The following NDUFS2 variants were observed in gnomAD, a reference collection of about 807,000 sequenced individuals.
NDUFS2 encodes the protein NADH:ubiquinone oxidoreductase core subunit S2.
In NDUFS2, 38 loss-of-function variants were observed where a neutral mutation model predicts 69.6. The observed-to-expected ratio is 0.55, with a 90% CI of 0.42 to 0.72. The LOEUF (loss-of-function observed/expected upper bound fraction) is 0.72. Among genes scored for constraint, NDUFS2 ranks in the 30% least tolerant of loss-of-function variants. NDUFS2 has a pLI of 0.00. For missense variants in NDUFS2, 468 were observed against 595.0 expected, an observed-to-expected ratio of 0.79 and a Z score of 2.22; for synonymous variants, 194 against 211.2, an observed-to-expected ratio of 0.92 and a Z score of 0.70.
chr1:161,206,680 G>T (rs759564329), intron 3 of NDUFS2, 83 bp downstream of exon 3: 324 of 1,428,676 alleles, frequency 2.3e-4, no homozygotes, highest in Non-Finnish European at 3.0e-4. Context: ...CCCTTAAAAC[G>T]TGAGGGGAGG....
At chr1:161,198,107 C>T (rs748516709), upstream of NDUFS2, 6 of 1,613,806 alleles carry the variant, frequency 3.7e-6, no homozygotes, top group South Asian at 6.6e-5. This position sits in a 1 kb window ranked among gnomAD's most constrained non-coding sequence, Gnocchi z 4.7. Flanking sequence ...CCCAGGTCCC[C>T]CAGCAGAGTT....
chr1:161,198,316 G>C, upstream of NDUFS2: 1 of 1,613,328 alleles, frequency 6.2e-7, no homozygotes, highest in South Asian at 1.1e-5. The surrounding 1 kb of genome is among the most constrained non-coding windows in gnomAD (Gnocchi z 4.7). Context: ...TCAGCCCCTC[G>C]ACCTGCACAC....
Position 161,210,166 on chromosome 1 carries a change from T to C in NDUFS2, c.758T>C (p.Leu253Pro). Residue 253 changes from leucine (L) to proline (P), a missense_variant, in exon 7 of 14, where the codon CTT becomes CCT. By Grantham distance (98) the Leu-to-Pro change is moderately conservative (BLOSUM62 -3). Transcript: ENST00000676972. ...DIYQFSKNFS[L>P]RLDELEELLT... ...TATCAGTTTTCTAAGAACTTCTCTC[T>C]TCGGCTTGATGAGTTGGAGGAGGTA... 1.9e-6 allele frequency: 3 copies of C among 1,614,164 alleles called. No individual in the cohort carries two copies. The highest frequency in any genetic ancestry group is 2.5e-6 in the Non-Finnish European group (3 of 1,180,036).
At chr1:161,202,362 C>T, upstream of NDUFS2, 1 of 1,601,552 alleles carries the variant, frequency 6.2e-7, no homozygotes, top group Admixed American at 1.7e-5. Flanking sequence ...GGTTCTCCTT[C>T]CCGCAGTCTG....
intron 2 of NDUFS2, among the ~76,000 whole-genome samples, chr1:161,205,161 T>C (rs1418240172): frequency 6.6e-6 from 1 of 152,166 alleles, no homozygotes; most frequent in Non-Finnish European, 1.5e-5. Context: ...GTTTCAAATC[T>C]CCACTCTCAA....
intron 9 of NDUFS2, 39 bp downstream of exon 9, chr1:161,210,749 G>T (rs1173047925): frequency 6.2e-7 from 1 of 1,613,538 alleles, no homozygotes; most frequent in South Asian, 1.1e-5. Flanking sequence ...ATTCCAGCTA[G>T]TTTCCCCTGC....
upstream of NDUFS2, among the ~76,000 whole-genome samples, chr1:161,197,807 G>GGA (rs928959324): frequency 1.3e-5 from 2 of 152,070 alleles, no homozygotes; most frequent in Non-Finnish European, 2.9e-5. Flanking sequence ...GGTCTGGCTA[G>GGA]GAGAAGGGTG....
chr1:161,204,490 C>T (rs1383723115), intron 2 of NDUFS2, among the ~76,000 whole-genome samples: 1 of 152,142 alleles, frequency 6.6e-6, no homozygotes, highest in African/African-American at 2.4e-5. Context: ...TTTTAGGAGT[C>T]TATTCACTGA....
chr1:161,202,896 G>A (rs900194185), intron 1 of NDUFS2, among the ~76,000 whole-genome samples: 7 of 152,182 alleles, frequency 4.6e-5, no homozygotes, highest in Non-Finnish European at 8.8e-5. Flanking sequence ...TGCATGCCCA[G>A]GGGTGATGGG....
chr1:161,212,623 A>G, intron 10 of NDUFS2, 143 bp downstream of exon 10: 1 of 1,096,516 alleles, frequency 9.1e-7, no homozygotes, highest in Non-Finnish European at 1.3e-6. Context: ...ACTGGAGTGC[A>G]ATCTCGGCTA....
intron 1 of NDUFS2, 62 bp downstream of exon 1, chr1:161,202,542 C>A: frequency 6.9e-7 from 1 of 1,448,368 alleles, no homozygotes; most frequent in Non-Finnish European, 9.5e-7. Context: ...AGGTTGGGGA[C>A]GCTTTACTCC....
At chr1:161,198,890 G>A, upstream of NDUFS2, 1 of 428,998 alleles carries the variant, frequency 2.3e-6, no homozygotes, top group Non-Finnish European at 4.1e-6. This position sits in a 1 kb window ranked among gnomAD's most constrained non-coding sequence, Gnocchi z 4.7. Context: ...CTCCCTGCCT[G>A]TGTCTTCTGC....
intron 11 of NDUFS2, 28 bp from the exon 12 acceptor site, chr1:161,213,621 C>G (rs1442007067): frequency 6.2e-7 from 1 of 1,610,374 alleles, no homozygotes; most frequent in Non-Finnish European, 8.5e-7. Context: ...CATGTTAATA[C>G]AGACACCCAA....
intron 2 of NDUFS2, 30 bp downstream of exon 2, chr1:161,203,573 A>C: frequency 6.5e-7 from 1 of 1,545,984 alleles, no homozygotes; most frequent in Non-Finnish European, 8.9e-7. Context: ...GTCCCAACCC[A>C]CACCCATCCC....
intron 9 of NDUFS2, among the ~76,000 whole-genome samples, chr1:161,211,396 C>T (rs1346954973): frequency 6.6e-6 from 1 of 152,146 alleles, no homozygotes; most frequent in Non-Finnish European, 1.5e-5. Flanking sequence ...TGTGTGTAAT[C>T]CCAGCATTTT....
intron 3 of NDUFS2, among the ~76,000 whole-genome samples, 153 bp from the exon 4 acceptor site, chr1:161,209,040 T>G (rs762118538): frequency 5.6e-4 from 85 of 152,286 alleles, no homozygotes; most frequent in Admixed American, 9.8e-4. Flanking sequence ...TACTGGTTTT[T>G]GGGATATTTT....
chr1:161,198,459 G>C (rs1253306239), upstream of NDUFS2: 5 of 1,572,568 alleles, frequency 3.2e-6, no homozygotes, highest in African/African-American at 1.4e-5. This position sits in a 1 kb window ranked among gnomAD's most constrained non-coding sequence, Gnocchi z 4.7. Context: ...TCCTCCTCCC[G>C]GGGGAGGGGG....
rs867122436 is a variant in NDUFS2 at position 161,206,256 on chromosome 1, G to A, written c.203-151G>A. Reference sequence around the variant, plus strand: ...AGATCTTCCTTTTCCCCATCTAAGAGTCCTCTTCCTGGTTATAGTGGAGAT... The same window carrying A: ...AGATCTTCCTTTTCCCCATCTAAGAATCCTCTTCCTGGTTATAGTGGAGAT... On this transcript the variant is annotated intron_variant, in intron 2 of 13. Transcript: ENST00000676972. The A allele has an allele frequency of 6.6e-5, 52 of 792,480 alleles. No homozygotes were observed. The Middle Eastern group carries it at 3.7e-3, about 57-fold the overall frequency. The allele number at this position is 792,480 out of a possible 1,614,324, so 49.1% of individuals were successfully genotyped here.
chr1:161,210,336 G>T lies in NDUFS2; in HGVS notation c.813G>T (p.Arg271=), dbSNP rs1665703295. 1 of 1,613,942 alleles carries T rather than the reference G, an allele frequency of 6.2e-7. No homozygotes were observed. The highest frequency in any genetic ancestry group is 1.7e-5 in the Admixed American group (1 of 60,004). Residue 271 remains arginine (R), a synonymous_variant, in exon 8 of 14, where the codon CGG becomes CGT. Coordinates refer to ENST00000676972, the MANE Select transcript of NDUFS2 (RefSeq NM_001377299.1). ...CCAACAATAGGATCTGGCGAAATCG[G>T]ACAATTGACATTGGGGTTGTAACAG... The part of the protein sequence containing the change: ...LLTNNRIWRN[R]TIDIGVVTAE...
Sources: gnomAD v4.1 joint callset for allele counts (sites outside exome capture counted in the v4.1 genomes callset) on GRCh38, gnomAD v4.1.1 for gene constraint, Gnocchi (gnomAD v3.1) non-coding constraint, MANE v1.5 for transcripts, NCBI Gene and HGNC (gene_info 2026-07-23, HGNC 2026-07-21) for gene names.